The following MLYCD variants were observed in gnomAD, a reference collection of about 807,000 sequenced individuals.
MLYCD encodes the protein malonyl-CoA decarboxylase.
A neutral mutation model predicts 35.8 loss-of-function variants in MLYCD; 27 were observed. That is an observed-to-expected ratio of 0.75 (90% CI 0.56 to 1.04). The LOEUF is 1.04. Ranked by LOEUF, MLYCD falls within the 50% of genes least tolerant of loss-of-function variation. The pLI, the probability that MLYCD is intolerant of heterozygous loss-of-function variation, is 0.00. For missense variants in MLYCD, 917 were observed against 665.1 expected (o/e 1.38, Z -4.17); for synonymous variants, 403 against 302.4 (o/e 1.33, Z -3.45).
At chr16:83,903,137 A>G (rs979499642) in intron 1 of MLYCD, among the ~76,000 whole-genome samples, 3 of 152,136 alleles carry the variant, frequency 2.0e-5, no homozygotes, top group Non-Finnish European at 4.4e-5. Flanking sequence ...CCTTTAATTC[A>G]TGGAAAGGGT....
chr16:83,906,878 G>T, intron 1 of MLYCD, 109 bp from the exon 2 acceptor site: 2 of 926,500 alleles, frequency 2.2e-6, no homozygotes, highest in Non-Finnish European at 3.6e-6. Context: ...TTGCACAATT[G>T]TCTTATGTAT....
In MLYCD at chr16:83,916,751, T is replaced by G. The variant is rs1907413134; in HGVS notation, c.*1262T>G. The G allele has an allele frequency of 7.4e-6, 1 of 135,296 alleles. No homozygotes were observed. The highest frequency in any genetic ancestry group is 7.5e-5 in the Admixed American group (1 of 13,406). 8.4% of individuals were successfully genotyped at this position (135,296 alleles called of 1,614,324 possible). ...GTGTGCGTGTGCCCGAGCGTCTCTG[T>G]GTGGATCAGTGCACGTCTGTGTGCA... is the stretch of plus-strand genomic sequence containing the variant. On this transcript the variant is annotated 3_prime_UTR_variant, in exon 5 of 5. Transcript: ENST00000262430.
In MLYCD at chr16:83,899,394, C is replaced by T. The variant is rs1311527462; in HGVS notation, c.250C>T (p.Arg84Trp). Residue 84 changes from arginine to tryptophan, a missense_variant, in exon 1 of 5, where the codon CGG (arginine) becomes TGG (tryptophan). By Grantham distance (101) the Arg-to-Trp change is moderately radical. Transcript: ENST00000262430. ...FYGGLAETAQRAELLGRLARG... is the reference protein window; with the variant it reads ...FYGGLAETAQWAELLGRLARG... ...CGGTGGGCTGGCCGAGACGGCCCAGCGGGCCGAACTGCTGGGCCGCCTGGC... is the reference window on the plus strand; with the variant it reads ...CGGTGGGCTGGCCGAGACGGCCCAGTGGGCCGAACTGCTGGGCCGCCTGGC... The T allele has an allele frequency of 4.6e-6, 7 of 1,527,308 alleles. No individual in the cohort carries two copies. The highest frequency in any genetic ancestry group is 6.1e-6 in the Non-Finnish European group (7 of 1,146,368). The allele number at this position is 1,527,308 out of a possible 1,614,324, so 94.6% of individuals were successfully genotyped here. A position where few individuals can be genotyped will look rare whatever the true frequency, so the allele number is the denominator to read the frequency against.
At position 83,919,879 on chromosome 16, in the gene MLYCD, C is replaced by T. The variant is rs72791536; in HGVS notation, c.*4390C>T. ...GAGAACACAGTGCAGAGAACACACA[C>T]GCACTGCACAGAACATGCAGTGGTG... is the stretch of plus-strand genomic sequence containing the variant. On this transcript the variant is annotated 3_prime_UTR_variant, in exon 5 of 5. Coordinates refer to ENST00000262430, the MANE Select transcript of MLYCD (RefSeq NM_012213.3). 10,494 of 151,482 alleles carry T rather than the reference C, an allele frequency of 0.069. 458 individuals are homozygous for T. The highest frequency in any genetic ancestry group is 0.095 in the Non-Finnish European group (6,491 of 68,090). 9.4% of individuals were successfully genotyped at this position (151,482 alleles called of 1,614,324 possible). A position where few individuals can be genotyped will look rare whatever the true frequency, so the allele number is the denominator to read the frequency against.
intron 4 of MLYCD, chr16:83,912,600 G>T (rs1159834152): frequency 5.2e-6 from 3 of 572,544 alleles, no homozygotes; most frequent in Non-Finnish European, 6.3e-6. Flanking sequence ...CCAGTTGACT[G>T]CAAGACGCAG....
chr16:83,914,919 T>C (rs1555539244), intron 4 of MLYCD, 37 bp from the exon 5 acceptor site: 2 of 1,614,056 alleles, frequency 1.2e-6, no homozygotes, highest in Non-Finnish European at 1.7e-6. Flanking sequence ...ATTTGTGTTT[T>C]CTCCGCCTTC....
chr16:83,904,198 G>T (rs960580482), intron 1 of MLYCD, among the ~76,000 whole-genome samples: 1 of 151,194 alleles, frequency 6.6e-6, no homozygotes, highest in African/African-American at 2.5e-5. Flanking sequence ...TTCATATCAC[G>T]AATGTAAGAC....
intron 3 of MLYCD, among the ~76,000 whole-genome samples, chr16:83,909,533 T>G (rs1469725780): frequency 6.6e-6 from 1 of 152,108 alleles, no homozygotes; most frequent in African/African-American, 2.4e-5. Context: ...TAATATCTGT[T>G]GAGTAGTGCT....
chr16:83,913,529 G>C (rs888205855), intron 4 of MLYCD: 4 of 152,306 alleles, frequency 2.6e-5, no homozygotes, highest in African/African-American at 9.7e-5. Flanking sequence ...GCTCGTCAGG[G>C]TTTACAAAAG....
At chr16:83,902,155 G>GTGTATATATATA (rs1555537769) in intron 1 of MLYCD, among the ~76,000 whole-genome samples, 64 of 87,318 alleles carry the variant, frequency 7.3e-4, no homozygotes, top group Non-Finnish European at 9.1e-4. Context: ...GTGTGCGTGC[G>GTGTATATATATA]TATATATATA....
At chr16:83,903,183 G>A (rs1362580184) in intron 1 of MLYCD, among the ~76,000 whole-genome samples, 2 of 152,094 alleles carry the variant, frequency 1.3e-5, no homozygotes, top group Non-Finnish European at 2.9e-5. Context: ...TGTTAGGGTG[G>A]AATGAGAGGT....
Position 83,907,094 on chromosome 16 carries a change from C to G in MLYCD, c.636C>G (p.Ile212Met). 6.2e-7 allele frequency: 1 copy of G among 1,610,810 alleles called. No individual in the cohort carries two copies. The highest frequency in any genetic ancestry group is 8.5e-7 in the Non-Finnish European group (1 of 1,176,982). Residue 212 changes from isoleucine to methionine, a missense_variant, in exon 2 of 5, where the codon ATC (isoleucine) becomes ATG (methionine). Coordinates refer to ENST00000262430, the MANE Select transcript of MLYCD (RefSeq NM_012213.3). ...WHSPCEVLQK[I>M]SEAEAVHPVK... The stretch of plus-strand genomic sequence containing the variant: ...CACCGTGTGAAGTGCTTCAGAAAAT[C>G]AGTGAGTAAGTATTACGGTTTTCAT...
chr16:83,906,455 G>C (rs148514369), intron 1 of MLYCD, among the ~76,000 whole-genome samples: 1 of 152,300 alleles, frequency 6.6e-6, no homozygotes, highest in African/African-American at 2.4e-5. Flanking sequence ...ATCCTGACTT[G>C]AGAGATGTTA....
rs1226902368 is a variant in MLYCD at position 83,920,421 on chromosome 16, C to G, written c.*4932C>G. ...CCAGAATGTTCTGTGTCAGAGAGCC[C>G]TGTCCAATGGGCAGAGCTGGGAGAC... On this transcript the variant is annotated 3_prime_UTR_variant, in exon 5 of 5. Transcript: ENST00000262430. 2.0e-5 allele frequency: 3 copies of G among 152,244 alleles called. No individual in the cohort carries two copies. The highest frequency in any genetic ancestry group is 2.9e-5 in the Non-Finnish European group (2 of 68,064). 9.4% of individuals were successfully genotyped at this position (152,244 alleles called of 1,614,324 possible). A position where few individuals can be genotyped will look rare whatever the true frequency, so the allele number is the denominator to read the frequency against.
intron 3 of MLYCD, among the ~76,000 whole-genome samples, chr16:83,910,639 C>T (rs532565045): frequency 5.0e-4 from 75 of 150,216 alleles, no homozygotes; most frequent in Middle Eastern, 3.4e-3. Flanking sequence ...TGCAGTGAGC[C>T]GAGGTCGTGC....
At chr16:83,905,013 C>T (rs1396804112) in intron 1 of MLYCD, among the ~76,000 whole-genome samples, 1 of 152,220 alleles carries the variant, frequency 6.6e-6, no homozygotes, top group African/African-American at 2.4e-5. Flanking sequence ...GAAAACTTCT[C>T]TGAGCCATCA....
chr16:83,911,064 C>A (rs1003914387), intron 3 of MLYCD, among the ~76,000 whole-genome samples: 2 of 152,180 alleles, frequency 1.3e-5, no homozygotes, highest in African/African-American at 4.8e-5. Flanking sequence ...GCAACCTCCG[C>A]CTCCCGGGTT....
At chr16:83,911,191 G>C (rs1268028451) in intron 3 of MLYCD, among the ~76,000 whole-genome samples, 1 of 152,026 alleles carries the variant, frequency 6.6e-6, no homozygotes, top group African/African-American at 2.4e-5. Context: ...TGTTAGCCAG[G>C]GTGGTCTCGA....
Position 83,899,639 on chromosome 16 carries a change from G to A in MLYCD, c.495G>A (p.Gln165=), listed in dbSNP as rs1183339497. The stretch of plus-strand genomic sequence containing the variant: ...TGCGGGCCGACCTGCTGGAGGCGCA[G>A]GCCCTCAAGCTGGTGGAGGGGCCGG... ...VQLRADLLEA[Q]ALKLVEGPDV... is the part of the protein sequence containing the mutation. The change falls in exon 1 of 5, where the codon CAG becomes CAA. Residue 165 remains glutamine, a synonymous_variant. Transcript: ENST00000262430. The A allele has an allele frequency of 6.4e-6, 10 of 1,554,110 alleles. No homozygotes were observed. The highest frequency in any genetic ancestry group is 7.8e-6 in the Non-Finnish European group (9 of 1,158,598).
Sources: allele counts gnomAD v4.1 joint callset (sites outside exome capture counted in the v4.1 genomes callset), GRCh38; gene constraint gnomAD v4.1.1; transcripts MANE v1.5; gene names NCBI Gene and HGNC (gene_info 2026-07-23, HGNC 2026-07-21).